The following DCTN6 variants were observed in gnomAD, a reference collection of about 807,000 sequenced individuals.
DCTN6 encodes the protein dynactin 6.
A neutral mutation model predicts 25.8 loss-of-function variants in DCTN6; 15 were observed. The observed-to-expected ratio is 0.58, with a 90% CI of 0.39 to 0.89. The LOEUF (loss-of-function observed/expected upper bound fraction) is 0.89, where lower values mean the gene tolerates loss of function less well. DCTN6 is among the 40% of genes least tolerant of loss of function. DCTN6 has a pLI of 0.00. For missense variants in DCTN6, 198 were observed against 237.6 expected (o/e 0.83, Z 1.09); for synonymous variants, 64 against 78.3 (o/e 0.82, Z 0.96).
At chr8:30,162,307 T>C (rs892060230) in intron 1 of DCTN6, among the ~76,000 whole-genome samples, 1 of 151,272 alleles carries the variant, frequency 6.6e-6, no homozygotes, top group Non-Finnish European at 1.5e-5. Context: ...GGCTGGTTGG[T>C]CTCAAACTCC....
chr8:30,170,137 C>T (rs924480203), intron 2 of DCTN6, among the ~76,000 whole-genome samples: 21 of 151,008 alleles, frequency 1.4e-4, no homozygotes, highest in Non-Finnish European at 1.5e-4. Flanking sequence ...GGTGCCACTG[C>T]ACTCCAGCCA....
chr8:30,173,122 T>A (rs1055923096), intron 2 of DCTN6, among the ~76,000 whole-genome samples: 26 of 152,156 alleles, frequency 1.7e-4, no homozygotes, highest in African/African-American at 5.8e-4. Context: ...TGTTATTTCT[T>A]ACCAGACTGT....
chr8:30,163,245 C>T (rs1351537617), intron 1 of DCTN6, among the ~76,000 whole-genome samples: 2 of 152,030 alleles, frequency 1.3e-5, no homozygotes, highest in African/African-American at 4.8e-5. Flanking sequence ...TGCAGTGAGC[C>T]GAGATGGTGC....
Position 30,177,189 on chromosome 8 carries a change from C to A in DCTN6, c.258C>A (p.Thr86=). The part of the protein sequence containing the change: ...DPEPKPMIIG[T]NNVFEVGCYS... Reference sequence around the variant, plus strand: ...AACCAAAACCTATGATCATTGGCACCAATAATGTGTTTGAAGTTGGCTGTT... The same window carrying A: ...AACCAAAACCTATGATCATTGGCACAAATAATGTGTTTGAAGTTGGCTGTT... The change falls in exon 4 of 7, where the codon ACC becomes ACA. Residue 86 remains threonine (T), a synonymous_variant. Transcript: ENST00000221114. 2 of 1,613,594 alleles carry A rather than the reference C, an allele frequency of 1.2e-6. No individual in the cohort carries two copies. Among genetic ancestry groups the A allele is most frequent in the Non-Finnish European group, 1.7e-6 (2 of 1,179,760 alleles).
intron 3 of DCTN6, among the ~76,000 whole-genome samples, chr8:30,175,845 G>C (rs762792816): frequency 1.3e-5 from 2 of 152,164 alleles, no homozygotes; most frequent in Non-Finnish European, 2.9e-5. Flanking sequence ...TATGGAATTT[G>C]TAAGAAAGAC....
intron 5 of DCTN6, among the ~76,000 whole-genome samples, chr8:30,180,124 CTATT>C (rs1803892586): frequency 6.6e-6 from 1 of 152,110 alleles, no homozygotes; most frequent in South Asian, 2.1e-4. Flanking sequence ...TCAGCATTTT[CTATT>C]TATTTTATGC....
chr8:30,166,120 A>T (rs1050937895), intron 2 of DCTN6, among the ~76,000 whole-genome samples: 55 of 152,298 alleles, frequency 3.6e-4, no homozygotes, highest in African/African-American at 1.3e-3. Context: ...GGCTATCATC[A>T]TGATATTCTA....
At chr8:30,180,459 T>C in intron 5 of DCTN6, 29 bp from the exon 6 acceptor site, 1 of 1,602,164 alleles carries the variant, frequency 6.2e-7, no homozygotes, top group Non-Finnish European at 8.5e-7. Context: ...ATGTCTTAAG[T>C]TGCAGTTCTT....
chr8:30,159,907 G>A (rs1803576270), intron 1 of DCTN6, among the ~76,000 whole-genome samples: 1 of 152,034 alleles, frequency 6.6e-6, no homozygotes, highest in Admixed American at 6.6e-5. Flanking sequence ...GAGTACAGGT[G>A]TAAGCCACCA....
chr8:30,163,700 T>C (rs1036798506), intron 1 of DCTN6, among the ~76,000 whole-genome samples: 4 of 135,088 alleles, frequency 3.0e-5, no homozygotes, highest in African/African-American at 1.1e-4. Flanking sequence ...TTTTTCCATC[T>C]TTTTTTTTTT....
At chr8:30,170,848 C>T (rs1173054094) in intron 2 of DCTN6, among the ~76,000 whole-genome samples, 3 of 151,908 alleles carry the variant, frequency 2.0e-5, no homozygotes, top group Non-Finnish European at 2.9e-5. Flanking sequence ...CCATGTTGCC[C>T]GGTCTCGAAC....
chr8:30,163,880 T>G (rs1803630254), intron 1 of DCTN6, among the ~76,000 whole-genome samples: 1 of 152,076 alleles, frequency 6.6e-6, no homozygotes, highest in African/African-American at 2.4e-5. Context: ...TTTTGTATTT[T>G]TAGTAGAGAT....
intron 1 of DCTN6, 44 bp from the exon 2 acceptor site, chr8:30,164,067 G>A: frequency 6.5e-7 from 1 of 1,528,700 alleles, no homozygotes; most frequent in East Asian, 2.3e-5. Context: ...CCAACAGTAT[G>A]TTTAATCTTA....
intron 1 of DCTN6, among the ~76,000 whole-genome samples, chr8:30,159,119 C>A (rs1448104600): frequency 1.2e-4 from 18 of 152,050 alleles, no homozygotes; most frequent in Admixed American, 4.6e-4. Flanking sequence ...CCCAGAAGGA[C>A]CATTGGTAGG....
At chr8:30,156,514 G>C in intron 1 of DCTN6, 108 bp downstream of exon 1, 2 of 1,346,858 alleles carry the variant, frequency 1.5e-6, no homozygotes, top group African/African-American at 2.9e-5. Context: ...CTGGGCATTC[G>C]GGCCGAAGGT....
chr8:30,161,003 T>C (rs1466967536), intron 1 of DCTN6, among the ~76,000 whole-genome samples: 1 of 152,224 alleles, frequency 6.6e-6, no homozygotes, highest in East Asian at 1.9e-4. Context: ...ACCAGTGCAT[T>C]TGATATGGTT....
intron 2 of DCTN6, among the ~76,000 whole-genome samples, chr8:30,169,910 C>G (rs547931252): frequency 6.6e-6 from 1 of 152,194 alleles, no homozygotes; most frequent in Non-Finnish European, 1.5e-5. Flanking sequence ...CGGTGGCTCA[C>G]GCCTTTAATC....
At chr8:30,166,348 TA>T (rs1356671010) in intron 2 of DCTN6, among the ~76,000 whole-genome samples, 10 of 150,536 alleles carry the variant, frequency 6.6e-5, no homozygotes, top group African/African-American at 9.8e-5. Flanking sequence ...AGGGTCTCGC[TA>T]TTTTGCCAAG....
intron 2 of DCTN6, among the ~76,000 whole-genome samples, chr8:30,168,930 A>G (rs1345888153): frequency 6.6e-6 from 1 of 152,228 alleles, no homozygotes; most frequent in Non-Finnish European, 1.5e-5. Flanking sequence ...TTCATGGCCC[A>G]TGAATTATTT....
Sources: allele counts gnomAD v4.1 joint callset (sites outside exome capture counted in the v4.1 genomes callset), GRCh38; gene constraint gnomAD v4.1.1; transcripts MANE v1.5; gene names NCBI Gene and HGNC (gene_info 2026-07-23, HGNC 2026-07-21).